The following SPAG16 variants were observed in gnomAD, a reference collection of about 807,000 sequenced individuals.
SPAG16 encodes the protein sperm-associated antigen 16 protein.
SPAG16 carries 86 observed loss-of-function variants against 80.4 expected under a neutral mutation model. The ratio of observed to expected loss-of-function variants is 1.07; its 90% CI spans 0.90 to 1.28. SPAG16 has a LOEUF of 1.28. Ranked by LOEUF, SPAG16 falls within the 50% of genes most tolerant of loss-of-function variation. The probability of loss-of-function intolerance (pLI) is 0.00; values close to 1 mark genes in which losing one functional copy is unlikely to be tolerated. For synonymous variants in SPAG16, 294 were observed against 265.9 expected, an observed-to-expected ratio of 1.11 and a Z score of -1.03; for missense variants, 870 against 765.3, an observed-to-expected ratio of 1.14 and a Z score of -1.61.
At chr2:213,767,114 T>C (rs1450955634) in intron 10 of SPAG16, among the ~76,000 whole-genome samples, 1 of 152,238 alleles carries the variant, frequency 6.6e-6, no homozygotes, top group Admixed American at 6.5e-5. Flanking sequence ...CATCATGTCA[T>C]TCTTCAAAGG....
intron 14 of SPAG16, among the ~76,000 whole-genome samples, chr2:214,121,506 T>G (rs755187292): frequency 2.0e-5 from 3 of 151,880 alleles, no homozygotes; most frequent in Non-Finnish European, 4.4e-5. Flanking sequence ...ATAAGACATA[T>G]GATCTTGAGC....
At chr2:214,141,144 G>A (rs1331956281) in intron 14 of SPAG16, among the ~76,000 whole-genome samples, 1 of 152,020 alleles carries the variant, frequency 6.6e-6, no homozygotes, top group Non-Finnish European at 1.5e-5. Flanking sequence ...TTTTGTCTTT[G>A]ATTTTAACTA....
intron 13 of SPAG16, 109 bp from the exon 14 acceptor site, chr2:214,108,087 T>C: frequency 1.3e-6 from 1 of 745,268 alleles, no homozygotes; most frequent in South Asian, 1.9e-5. Flanking sequence ...AATGTATTAA[T>C]TCTGGGAGGA....
At chr2:214,268,950 C>T (rs1264227263) in intron 15 of SPAG16, among the ~76,000 whole-genome samples, 1 of 151,886 alleles carries the variant, frequency 6.6e-6, no homozygotes, top group African/African-American at 2.4e-5. Flanking sequence ...CTACCAATCT[C>T]TAAAAATCAC....
At chr2:213,971,767 T>G (rs1374453151) in intron 12 of SPAG16, among the ~76,000 whole-genome samples, 1 of 152,192 alleles carries the variant, frequency 6.6e-6, no homozygotes, top group African/African-American at 2.4e-5. Flanking sequence ...AGAAACAGTG[T>G]AAGTGTTTTC....
chr2:213,785,741 G>T (rs2070297444), intron 10 of SPAG16, among the ~76,000 whole-genome samples: 1 of 152,074 alleles, frequency 6.6e-6, no homozygotes. Flanking sequence ...GTTTAGCCAG[G>T]CGCAGTGGCT....
intron 10 of SPAG16, among the ~76,000 whole-genome samples, chr2:213,659,876 A>G (rs2063353424): frequency 6.6e-6 from 1 of 152,134 alleles, no homozygotes; most frequent in South Asian, 2.1e-4. Flanking sequence ...ATACATCTGT[A>G]TATATGTTTA....
chr2:213,609,929 C>T lies in SPAG16; in HGVS notation c.1070+119839C>T, dbSNP rs192339741. ...TATTCATAATCCAGCCAATGTAATCCCCAGGGGCACAGAGAAAGCAGCCTT... is the reference window on the plus strand; with the variant it reads ...TATTCATAATCCAGCCAATGTAATCTCCAGGGGCACAGAGAAAGCAGCCTT... On this transcript the variant is annotated intron_variant, in intron 10 of 15. Coordinates refer to ENST00000331683, the MANE Select transcript of SPAG16 (RefSeq NM_024532.5). Among the ~76,000 whole-genome samples, 843 of 151,840 alleles carry T rather than the reference C, an allele frequency of 5.6e-3. 1 individual carries two copies. Among genetic ancestry groups the T allele is most frequent in the Non-Finnish European group, 8.5e-3 (577 of 67,958 alleles).
At chr2:213,643,571 C>T (rs1358374778) in intron 10 of SPAG16, among the ~76,000 whole-genome samples, 1 of 148,716 alleles carries the variant, frequency 6.7e-6, no homozygotes, top group Admixed American at 6.7e-5. Flanking sequence ...GAAAGTTCTC[C>T]GTTATTATCC....
In SPAG16 at chr2:214,014,235, C is replaced by T. The variant is rs184101861; in HGVS notation, c.1527+158C>T. Among the ~76,000 whole-genome samples the T allele has an allele frequency of 2.6e-5, 4 of 152,240 alleles. No individual in the cohort carries two copies. The East Asian group carries it at 5.8e-4, about 22-fold the overall frequency. On this transcript the variant is annotated intron_variant, in intron 13 of 15. Coordinates refer to ENST00000331683, the MANE Select transcript of SPAG16 (RefSeq NM_024532.5). ...ATAATTACAAGATCCTTTCTATGCA[C>T]TTGTATCCATTCTGCCTTCCAAATG...
At chr2:214,256,149 T>C (rs909738152) in intron 15 of SPAG16, among the ~76,000 whole-genome samples, 15 of 151,976 alleles carry the variant, frequency 9.9e-5, no homozygotes, top group African/African-American at 3.6e-4. Context: ...TTCTGGAGTG[T>C]GAATATTAGT....
chr2:213,813,590 T>C (rs563015842), intron 10 of SPAG16, among the ~76,000 whole-genome samples: 39 of 152,142 alleles, frequency 2.6e-4, no homozygotes, highest in East Asian at 2.1e-3. Context: ...TCTGCTGCTA[T>C]TGGGGGACAG....
chr2:214,063,675 A>C (rs1439322713), intron 13 of SPAG16, among the ~76,000 whole-genome samples: 1 of 152,192 alleles, frequency 6.6e-6, no homozygotes. Flanking sequence ...CAGCCTTTGC[A>C]TCAGTTGTTT....
intron 9 of SPAG16, among the ~76,000 whole-genome samples, chr2:213,402,568 C>T (rs1225281094): frequency 2.9e-5 from 4 of 140,078 alleles, no homozygotes; most frequent in Admixed American, 1.5e-4. Context: ...TAATGCTATC[C>T]CTCCCCCCTC....
In SPAG16 at chr2:214,191,799, G is replaced by A. The variant is rs536222520; in HGVS notation, c.1720+42533G>A. ...AAAAAGAGTTCACATAGAATTTGAG[G>A]TTCTAGAAAACGATTTCCGTATAGT... On this transcript the variant is annotated intron_variant, in intron 15 of 15. Coordinates refer to ENST00000331683, the MANE Select transcript of SPAG16 (RefSeq NM_024532.5). Among the ~76,000 whole-genome samples, 19 of 151,564 alleles carry A rather than the reference G, an allele frequency of 1.3e-4. No individual in the cohort carries two copies. The South Asian group carries it at 3.1e-3, about 25-fold the overall frequency.
intron 15 of SPAG16, chr2:214,240,507 C>T (rs908230733): frequency 1.3e-5 from 2 of 152,114 alleles, no homozygotes; most frequent in African/African-American, 4.8e-5. Flanking sequence ...AGCTCCTTTT[C>T]TAGTATACAC....
intron 11 of SPAG16, among the ~76,000 whole-genome samples, chr2:213,870,049 C>G (rs1435391835): frequency 2.0e-5 from 3 of 152,132 alleles, no homozygotes; most frequent in Non-Finnish European, 1.5e-5. Context: ...CTTTCTCTTC[C>G]TCAGTTTATA....
At chr2:213,375,754 C>A (rs997844278) in intron 9 of SPAG16, among the ~76,000 whole-genome samples, 3 of 151,746 alleles carry the variant, frequency 2.0e-5, no homozygotes, top group African/African-American at 4.8e-5. Flanking sequence ...CCTTAGAGTT[C>A]TAAAATATCT....
chr2:213,831,354 T>A (rs2073646186), intron 10 of SPAG16, among the ~76,000 whole-genome samples: 1 of 151,476 alleles, frequency 6.6e-6, no homozygotes, highest in Admixed American at 6.6e-5. Flanking sequence ...TGACTTTTTA[T>A]CTTTGATTGC....
Sources: gnomAD v4.1 joint callset for allele counts (sites outside exome capture counted in the v4.1 genomes callset) on GRCh38, gnomAD v4.1.1 for gene constraint, MANE v1.5 for transcripts, NCBI Gene and HGNC (gene_info 2026-07-23, HGNC 2026-07-21) for gene names.